RFPL1: variants seen among roughly 807,000 people sequenced by gnomAD.
RFPL1 encodes ret finger protein like 1.
RFPL1 carries 6 observed loss-of-function variants against 9.6 expected under a neutral mutation model. The ratio of observed to expected loss-of-function variants is 0.62; its 90% CI spans 0.34 to 1.23. The LOEUF is 1.23. Ranked by LOEUF, RFPL1 falls within the 50% of genes most tolerant of loss-of-function variation. The probability of loss-of-function intolerance (pLI) is 0.03; values close to 1 mark genes in which losing one functional copy is unlikely to be tolerated. For synonymous variants in RFPL1, 145 were observed against 149.4 expected (o/e 0.97, Z 0.22); for missense variants, 352 against 398.4 (o/e 0.88, Z 0.99).
upstream of RFPL1, among the ~76,000 whole-genome samples, chr22:29,434,208 A>C (rs2062798064): frequency 1.3e-5 from 2 of 152,212 alleles, no homozygotes; most frequent in African/African-American, 4.8e-5. Flanking sequence ...TTAGATATCT[A>C]TATTTGAACA....
the RFPL1 span, among the ~76,000 whole-genome samples, chr22:29,430,455 TTGTGA>T: frequency 2.0e-5 from 3 of 152,334 alleles, no homozygotes; most frequent in African/African-American, 7.2e-5. Context: ...TTTATATATA[TTGTGA>T]TGTAATGGAA....
chr22:29,416,941 A>G, the RFPL1 span, among the ~76,000 whole-genome samples: 1 of 152,200 alleles, frequency 6.6e-6, no homozygotes, highest in Admixed American at 6.5e-5. Context: ...TCAAGATGTG[A>G]AATTTGGTTA....
the RFPL1 span, among the ~76,000 whole-genome samples, chr22:29,415,124 C>T: frequency 6.6e-6 from 1 of 151,902 alleles, no homozygotes. Context: ...GCCATGCTTC[C>T]ACTCAAATGG....
exon 2 of RFPL1, chr22:29,442,334 A>G (rs184021754): frequency 1.1e-3 from 438 of 399,756 alleles, no homozygotes; most frequent in Non-Finnish European, 1.7e-3. Flanking sequence ...CTTATGGTTC[A>G]CATCTTGTTT....
At chr22:29,418,336 A>G in the RFPL1 span, among the ~76,000 whole-genome samples, 7 of 152,274 alleles carry the variant, frequency 4.6e-5, no homozygotes, top group African/African-American at 1.4e-4. Flanking sequence ...TGCTTTAGCT[A>G]TCGGGTGCGA....
At chr22:29,439,041 G>A (rs369634463) in exon 1 of RFPL1, 8 of 1,614,026 alleles carry the variant, frequency 5.0e-6, no homozygotes, top group Non-Finnish European at 6.8e-6. Flanking sequence ...CTGTTCCATG[G>A]TCTCTCAGAA....
the RFPL1 span, among the ~76,000 whole-genome samples, chr22:29,392,065 G>A: frequency 6.6e-6 from 1 of 152,160 alleles, no homozygotes; most frequent in Non-Finnish European, 1.5e-5. Flanking sequence ...CAAGTAGAAG[G>A]TTTTTGTTGT....
the RFPL1 span, among the ~76,000 whole-genome samples, chr22:29,393,176 C>A: frequency 2.0e-5 from 3 of 152,226 alleles, no homozygotes; most frequent in African/African-American, 7.2e-5. Context: ...GGTGAGACTA[C>A]TACTAATAGT....
At chr22:29,392,675 G>A in the RFPL1 span, among the ~76,000 whole-genome samples, 3 of 152,122 alleles carry the variant, frequency 2.0e-5, no homozygotes, top group Non-Finnish European at 4.4e-5. Flanking sequence ...CAACACACAC[G>A]GCCAAGTAGA....
the RFPL1 span, among the ~76,000 whole-genome samples, chr22:29,389,689 A>G: frequency 1.3e-5 from 2 of 151,468 alleles, no homozygotes; most frequent in East Asian, 3.9e-4. Context: ...CCGTCTCAAA[A>G]AAAAAAAAAA....
chr22:29,403,316 G>A, the RFPL1 span, among the ~76,000 whole-genome samples: 1 of 151,902 alleles, frequency 6.6e-6, no homozygotes, highest in Non-Finnish European at 1.5e-5. Flanking sequence ...AGACACAAAG[G>A]TGGCTGCAGC....
At chr22:29,394,884 G>A in the RFPL1 span, among the ~76,000 whole-genome samples, 4 of 152,226 alleles carry the variant, frequency 2.6e-5, no homozygotes, top group East Asian at 1.9e-4. Context: ...GGCTGATGAC[G>A]GCAGGCCTCA....
At chr22:29,417,530 G>A in the RFPL1 span, among the ~76,000 whole-genome samples, 1 of 149,078 alleles carries the variant, frequency 6.7e-6, no homozygotes, top group Non-Finnish European at 1.5e-5. Context: ...CACCACGAGG[G>A]CATGGGTGAA....
chr22:29,442,198 T>C, exon 2 of RFPL1: 1 of 1,083,378 alleles, frequency 9.2e-7, no homozygotes, highest in Non-Finnish European at 1.3e-6. Context: ...CTCTACTCGG[T>C]AAAAGCGTTA....
the RFPL1 span, among the ~76,000 whole-genome samples, chr22:29,426,724 G>A: frequency 0.18 from 27,467 of 152,114 alleles, 2,730 homozygotes; most frequent in African/African-American, 0.25. Context: ...CTCCGGCCAG[G>A]GTGATAGAGC....
chr22:29,431,895 T>C, the RFPL1 span, among the ~76,000 whole-genome samples: 2 of 152,086 alleles, frequency 1.3e-5, no homozygotes, highest in Non-Finnish European at 2.9e-5. Flanking sequence ...GGTTTCACCA[T>C]GTTGGTCAGG....
chr22:29,438,770 C>T (rs749271993), exon 1 of RFPL1: 18 of 1,605,250 alleles, frequency 1.1e-5, no homozygotes, highest in Non-Finnish European at 1.5e-5. Context: ...AGTGACAAAG[C>T]TGGGACACAA....
chr22:29,397,325 G>A, the RFPL1 span, among the ~76,000 whole-genome samples: 1 of 152,090 alleles, frequency 6.6e-6, no homozygotes, highest in Non-Finnish European at 1.5e-5. Flanking sequence ...CTGAATTGGG[G>A]GGATACACTG....
At chr22:29,439,349 G>T in intron 1 of RFPL1, 185 bp downstream of exon 1, 3 of 960,408 alleles carry the variant, frequency 3.1e-6, no homozygotes, top group Non-Finnish European at 4.5e-6. Context: ...CAAAAAAAAG[G>T]CTGGCTGGGC....
Sources: gnomAD v4.1 joint callset for allele counts (sites outside exome capture counted in the v4.1 genomes callset) on GRCh38, gnomAD v4.1.1 for gene constraint, MANE v1.5 for transcripts, NCBI Gene and HGNC (gene_info 2026-07-23, HGNC 2026-07-21) for gene names.